Variants in CD300A observed in about 807,000 individuals in gnomAD.
CD300A encodes CMRF35-like molecule 8.
In CD300A, 22 loss-of-function variants were observed where a neutral mutation model predicts 33.6. The observed-to-expected ratio is 0.66, with a 90% CI of 0.47 to 0.94. The LOEUF (loss-of-function observed/expected upper bound fraction) is 0.94, where lower values mean the gene tolerates loss of function less well. Among genes scored for constraint, CD300A ranks in the 40% least tolerant of loss-of-function variants. CD300A has a pLI of 0.00. For missense variants in CD300A, 326 were observed against 360.5 expected, an observed-to-expected ratio of 0.90 and a Z score of 0.77; for synonymous variants, 136 against 148.1, an observed-to-expected ratio of 0.92 and a Z score of 0.59.
chr17:74,476,115 G>A (rs922362418), intron 3 of CD300A, among the ~76,000 whole-genome samples: 11 of 152,298 alleles, frequency 7.2e-5, no homozygotes, highest in South Asian at 2.1e-4. Context: ...TAGGCATGAT[G>A]TGATTGAACT....
intron 1 of CD300A, among the ~76,000 whole-genome samples, chr17:74,471,378 C>G (rs997489811): frequency 1.3e-5 from 2 of 152,050 alleles, no homozygotes; most frequent in East Asian, 1.9e-4. Flanking sequence ...CATGTGAAAC[C>G]CTGTTGTCTT....
chr17:74,473,953 GCAGA>G, intron 2 of CD300A, 79 bp downstream of exon 2: 2 of 1,495,216 alleles, frequency 1.3e-6, no homozygotes, highest in East Asian at 2.3e-5. Flanking sequence ...GAGACGTGAA[GCAGA>G]CAGTGTGTGT....
chr17:74,475,925 C>G (rs1252327072), intron 3 of CD300A, among the ~76,000 whole-genome samples: 1 of 150,412 alleles, frequency 6.6e-6, no homozygotes, highest in Non-Finnish European at 1.5e-5. Context: ...AGATTAGGAC[C>G]AGCCAATGCA....
intron 4 of CD300A, 55 bp downstream of exon 4, chr17:74,477,585 A>C: frequency 8.7e-7 from 1 of 1,146,200 alleles, no homozygotes; most frequent in Non-Finnish European, 1.3e-6. Flanking sequence ...GACCCTGACC[A>C]CAGACGCTCA....
rs1426484762 is a variant in CD300A, at chr17:74,477,538, G to A, written c.628+8G>A. 6.2e-7 allele frequency: 1 copy of A among 1,606,470 alleles called. No homozygotes were observed. Among genetic ancestry groups the A allele is most frequent in the South Asian group, 1.1e-5 (1 of 90,832 alleles). ...TTCAGAAATGGATCAAAGGTGAGTT[G>A]GCTCCCCACACCCCTCTGCCCCACC... On this transcript the variant is annotated splice_region_variant and intron_variant, in intron 4 of 6. Transcript: ENST00000360141.
intron 1 of CD300A, among the ~76,000 whole-genome samples, chr17:74,467,437 G>A (rs1905798869): frequency 6.6e-6 from 1 of 152,156 alleles, no homozygotes; most frequent in South Asian, 2.1e-4. Context: ...AAAGGTGGTG[G>A]GGAGGGCGAG....
At chr17:74,477,375 T>A in intron 3 of CD300A, 61 bp from the exon 4 acceptor site, 3 of 1,119,710 alleles carry the variant, frequency 2.7e-6, no homozygotes, top group Middle Eastern at 2.8e-4. Context: ...AAAATAAAAA[T>A]AAAAAAGTAA....
chr17:74,474,051 C>T (rs1421270265), intron 2 of CD300A, among the ~76,000 whole-genome samples, 177 bp downstream of exon 2: 1 of 151,984 alleles, frequency 6.6e-6, no homozygotes, highest in African/African-American at 2.4e-5. Flanking sequence ...CATGTCTGCC[C>T]AGTATTGAAG....
chr17:74,472,844 A>C (rs1296308992), intron 1 of CD300A, among the ~76,000 whole-genome samples: 1 of 152,152 alleles, frequency 6.6e-6, no homozygotes, highest in East Asian at 1.9e-4. Flanking sequence ...TCCTGGCCTC[A>C]AGTGATCCAC....
chr17:74,482,791 A>C (rs1374483272), intron 6 of CD300A, among the ~76,000 whole-genome samples: 2 of 148,548 alleles, frequency 1.3e-5, no homozygotes, highest in African/African-American at 5.2e-5. Flanking sequence ...GCTCACTGCA[A>C]TCTCTGCCTC....
At position 74,482,011 on chromosome 17, in the gene CD300A, G is replaced by A. The variant is rs568636320; in HGVS notation, c.774+178G>A. Among the ~76,000 whole-genome samples, 28 of 151,284 alleles carry A rather than the reference G, an allele frequency of 1.9e-4. 1 individual carries two copies. Among genetic ancestry groups the A allele is most frequent in the Admixed American group, 3.3e-4 (5 of 15,214 alleles). On this transcript the variant is annotated intron_variant, in intron 6 of 6. Transcript: ENST00000360141. ...TTGCCAGAGCAGAGGTCCTTAGGAGGGCTTGGTGTCATTGTGGTGGGGGGT... is the reference window on the plus strand; with the variant it reads ...TTGCCAGAGCAGAGGTCCTTAGGAGAGCTTGGTGTCATTGTGGTGGGGGGT...
chr17:74,470,446 C>T (rs1182910166), intron 1 of CD300A, among the ~76,000 whole-genome samples: 1 of 151,594 alleles, frequency 6.6e-6, no homozygotes, highest in Non-Finnish European at 1.5e-5. Flanking sequence ...AAACTAAATC[C>T]GAAGGGAAGT....
chr17:74,481,953 C>T (rs1015261674), intron 6 of CD300A, 120 bp downstream of exon 6: 2 of 694,412 alleles, frequency 2.9e-6, no homozygotes, highest in Non-Finnish European at 5.0e-6. Context: ...CTGTCAGGGA[C>T]AGGGCCACAT....
chr17:74,482,732 T>TCCTTCCTTTCCTTCCTTCC (rs1555639394), intron 6 of CD300A, among the ~76,000 whole-genome samples: 3 of 133,042 alleles, frequency 2.3e-5, no homozygotes, highest in African/African-American at 1.1e-4. Context: ...CTTTCTTTCT[T>TCCTTCCTTTCCTTCCTTCC]TGGAATCTCG....
chr17:74,479,650 G>A (rs751943611), intron 4 of CD300A, among the ~76,000 whole-genome samples: 3 of 152,094 alleles, frequency 2.0e-5, no homozygotes, highest in African/African-American at 4.8e-5. Flanking sequence ...AATCACAGAC[G>A]CAGAGTTTAC....
intron 1 of CD300A, among the ~76,000 whole-genome samples, chr17:74,470,838 T>TG (rs1291495022): frequency 1.3e-5 from 2 of 151,492 alleles, no homozygotes; most frequent in Non-Finnish European, 2.9e-5. Flanking sequence ...TTGGTAGAGA[T>TG]GGGGGTCTCA....
intron 4 of CD300A, 29 bp downstream of exon 4, chr17:74,477,559 C>G (rs1367253666): frequency 6.5e-7 from 1 of 1,528,618 alleles, no homozygotes; most frequent in Non-Finnish European, 9.1e-7. Flanking sequence ...CCCCTCTGCC[C>G]CACCTGGGGT....
chr17:74,470,568 C>T (rs1001794641), intron 1 of CD300A, among the ~76,000 whole-genome samples: 2 of 152,068 alleles, frequency 1.3e-5, no homozygotes, highest in Non-Finnish European at 2.9e-5. Context: ...TGACGATTCG[C>T]AGCCCAGGAG....
chr17:74,483,690 G>A (rs1907067925), intron 6 of CD300A, among the ~76,000 whole-genome samples: 1 of 152,212 alleles, frequency 6.6e-6, no homozygotes, highest in Non-Finnish European at 1.5e-5. Flanking sequence ...GCACAGAGGT[G>A]TCTTGGGGGA....
Sources: gnomAD v4.1 joint callset for allele counts (sites outside exome capture counted in the v4.1 genomes callset) on GRCh38, gnomAD v4.1.1 for gene constraint, MANE v1.5 for transcripts, NCBI Gene and HGNC (gene_info 2026-07-23, HGNC 2026-07-21) for gene names.